The following LRRC69 variants were observed in gnomAD, a reference collection of about 807,000 sequenced individuals.
LRRC69 encodes the protein leucine rich repeat containing 69, also known as leucine-rich repeat-containing protein 69.
A neutral mutation model predicts 37.8 loss-of-function variants in LRRC69; 42 were observed. That is an observed-to-expected ratio of 1.11 (90% CI 0.87 to 1.44). The LOEUF is 1.44. Among genes scored for constraint, LRRC69 ranks in the 40% most tolerant of loss-of-function variants. The probability of loss-of-function intolerance (pLI) is 0.00; values close to 1 mark genes in which losing one functional copy is unlikely to be tolerated. For synonymous variants in LRRC69, 141 were observed against 143.1 expected, an observed-to-expected ratio of 0.99 and a Z score of 0.11; for missense variants, 357 against 401.9, an observed-to-expected ratio of 0.89 and a Z score of 0.96.
chr8:91,165,584 G>A (rs760076941), intron 5 of LRRC69, among the ~76,000 whole-genome samples: 8 of 151,698 alleles, frequency 5.3e-5, no homozygotes, highest in East Asian at 3.9e-4. Context: ...GGTTTGGTGC[G>A]TATTTGGACC....
exon 7 of LRRC69, chr8:91,200,773 G>A (rs976516885): frequency 7.8e-6 from 12 of 1,530,956 alleles, no homozygotes; most frequent in Non-Finnish European, 1.1e-5. Context: ...GAATGTGTTC[G>A]ATTTGTTCCT....
At chr8:91,177,971 C>T (rs992159486) in intron 5 of LRRC69, among the ~76,000 whole-genome samples, 5 of 151,598 alleles carry the variant, frequency 3.3e-5, no homozygotes, top group African/African-American at 1.2e-4. Flanking sequence ...GCCTCAGCCT[C>T]CCTAGTAGCT....
chr8:91,192,540 A>G lies in LRRC69; in HGVS notation c.753+2917A>G, dbSNP rs1419129841. ...CTGACTTTTTAATGATTGCCATTCT[A>G]ACTGGTGTGAGATGGTATCTCATTG... On this transcript the variant is annotated intron_variant, in intron 6 of 7. Coordinates refer to ENST00000448384, the Ensembl canonical transcript of LRRC69. Among the ~76,000 whole-genome samples the G allele has an allele frequency of 6.4e-4, 97 of 151,218 alleles. 1 individual carries two copies. Among genetic ancestry groups the G allele is most frequent in the African/African-American group, 2.3e-3 (95 of 41,340 alleles).
intron 3 of LRRC69, among the ~76,000 whole-genome samples, chr8:91,127,484 T>G (rs925265025): frequency 6.6e-6 from 1 of 151,690 alleles, no homozygotes; most frequent in African/African-American, 2.4e-5. Context: ...AAATGTTATT[T>G]CGCATGTGTA....
chr8:91,204,884 C>G (rs1443239430), intron 7 of LRRC69, among the ~76,000 whole-genome samples: 2 of 152,110 alleles, frequency 1.3e-5, no homozygotes, highest in African/African-American at 2.4e-5. Context: ...ACTTTTTTTC[C>G]ACCAACTTTT....
intron 7 of LRRC69, among the ~76,000 whole-genome samples, chr8:91,214,132 T>A (rs1809992591): frequency 6.6e-6 from 1 of 152,078 alleles, no homozygotes; most frequent in South Asian, 2.1e-4. Flanking sequence ...GGTTTCCTAC[T>A]GTGGGTGTAA....
chr8:91,171,627 G>A (rs573683837), intron 5 of LRRC69, among the ~76,000 whole-genome samples: 34 of 152,112 alleles, frequency 2.2e-4, no homozygotes, highest in African/African-American at 7.5e-4. Flanking sequence ...TCCACGTTGG[G>A]AAGCTGTGTT....
At chr8:91,167,625 C>T (rs574198618) in intron 5 of LRRC69, among the ~76,000 whole-genome samples, 2 of 152,056 alleles carry the variant, frequency 1.3e-5, no homozygotes, top group African/African-American at 4.8e-5. Flanking sequence ...CTCCCTGGGG[C>T]GCCAGAGCGG....
rs145782299 is a variant in LRRC69 at position 91,134,363 on chromosome 8, G to T, written c.579+1058G>T. 4.4e-3 allele frequency among the ~76,000 whole-genome samples: 662 copies of T among 151,744 alleles called. 1 individual carries two copies. Among genetic ancestry groups the T allele is most frequent in the African/African-American group, 0.015 (620 of 41,468 alleles). ...AAGGCCTGATTACTGGGAGGTTGTG[G>T]TGGTGGCTGGAGGGGAGGGGTACTG... On this transcript the variant is annotated intron_variant, in intron 4 of 7. Transcript: ENST00000448384.
chr8:91,190,678 A>T (rs1809478551), intron 6 of LRRC69, among the ~76,000 whole-genome samples: 1 of 152,270 alleles, frequency 6.6e-6, no homozygotes, highest in South Asian at 2.1e-4. Context: ...TCTGTATATG[A>T]TGATATCATA....
At chr8:91,175,353 C>A (rs934526936) in intron 5 of LRRC69, among the ~76,000 whole-genome samples, 3 of 152,156 alleles carry the variant, frequency 2.0e-5, no homozygotes, top group African/African-American at 7.2e-5. Flanking sequence ...CCAAATGCTT[C>A]TTCTGCTTAT....
At chr8:91,139,050 A>G (rs1260679704) in intron 5 of LRRC69, 3 of 134,832 alleles carry the variant, frequency 2.2e-5, no homozygotes, top group Non-Finnish European at 4.6e-5. Flanking sequence ...CCCTGTCTTG[A>G]AAAAAAAAAA....
intron 3 of LRRC69, among the ~76,000 whole-genome samples, chr8:91,129,789 C>T (rs1563598178): frequency 1.3e-5 from 2 of 151,958 alleles, no homozygotes; most frequent in Non-Finnish European, 2.9e-5. Flanking sequence ...TCCTCTCGCT[C>T]TTGCTTCCTT....
At chr8:91,110,778 G>A (rs2130479500) in intron 1 of LRRC69, among the ~76,000 whole-genome samples, 1 of 152,160 alleles carries the variant, frequency 6.6e-6, no homozygotes, top group East Asian at 1.9e-4. Flanking sequence ...AAGAGAGGCT[G>A]TCTGGTCCAA....
At chr8:91,104,449 T>G (rs1192610343) in intron 1 of LRRC69, among the ~76,000 whole-genome samples, 3 of 152,048 alleles carry the variant, frequency 2.0e-5, no homozygotes, top group African/African-American at 7.2e-5. Context: ...TCAATTAATC[T>G]ATGATTATAT....
At chr8:91,176,134 A>ATTTATTTTTTTTT (rs1809223626) in intron 5 of LRRC69, among the ~76,000 whole-genome samples, 1 of 75,710 alleles carries the variant, frequency 1.3e-5, no homozygotes, top group Non-Finnish European at 2.4e-5. Flanking sequence ...ATATATATAT[A>ATTTATTTTTTTTT]TTTTTTTTTT....
At chr8:91,119,780 C>G (rs62526683) in intron 1 of LRRC69, among the ~76,000 whole-genome samples, 70,223 of 151,668 alleles carry the variant, frequency 0.46, 17,932 homozygotes, top group South Asian at 0.65. Flanking sequence ...TTCAGGAACT[C>G]TCTCATCTTT....
chr8:91,210,460 CTTCTGTTGACTTGCAGAGTAAGAAAA>C (rs1217798420), intron 7 of LRRC69, among the ~76,000 whole-genome samples: 1 of 151,928 alleles, frequency 6.6e-6, no homozygotes, highest in Non-Finnish European at 1.5e-5. Flanking sequence ...TGAGGCTTTC[CTTCTGTTGACTTGCAGAGTAAGAAAA>C]TAGAACCACT....
intron 5 of LRRC69, among the ~76,000 whole-genome samples, chr8:91,148,927 GT>G (rs1207392361): frequency 6.6e-6 from 1 of 151,770 alleles, no homozygotes; most frequent in Non-Finnish European, 1.5e-5. Context: ...TTTTGATGGG[GT>G]TGTTTGTTTT....
Sources: gnomAD v4.1 joint callset for allele counts (sites outside exome capture counted in the v4.1 genomes callset) on GRCh38, gnomAD v4.1.1 for gene constraint, MANE v1.5 for transcripts, NCBI Gene and HGNC (gene_info 2026-07-23, HGNC 2026-07-21) for gene names.